The following GPC5 variants were observed in gnomAD, a reference collection of about 807,000 sequenced individuals.
GPC5 encodes glypican-5.
GPC5 carries 47 observed loss-of-function variants against 53.9 expected under a neutral mutation model. The observed-to-expected ratio is 0.87, with a 90% CI of 0.69 to 1.11. The LOEUF is 1.11. Ranked by LOEUF, GPC5 falls within the 50% of genes most tolerant of loss-of-function variation. The pLI, the probability that GPC5 is intolerant of heterozygous loss-of-function variation, is 0.00. For missense variants in GPC5, 748 were observed against 713.1 expected (o/e 1.05, Z -0.56); for synonymous variants, 286 against 263.3 (o/e 1.09, Z -0.84).
At chr13:92,320,041 C>A (rs1425419713) in intron 7 of GPC5, among the ~76,000 whole-genome samples, 1 of 152,058 alleles carries the variant, frequency 6.6e-6, no homozygotes, top group Non-Finnish European at 1.5e-5. Context: ...ATAAACAGTT[C>A]TACTTCAAAG....
At chr13:91,988,691 A>G (rs1412454658) in intron 6 of GPC5, among the ~76,000 whole-genome samples, 1 of 152,200 alleles carries the variant, frequency 6.6e-6, no homozygotes, top group African/African-American at 2.4e-5. Context: ...TAAGATTTGT[A>G]TTATGGGGAA....
intron 7 of GPC5, among the ~76,000 whole-genome samples, chr13:92,325,015 G>A (rs1334214054): frequency 1.3e-5 from 2 of 151,324 alleles, no homozygotes; most frequent in African/African-American, 4.8e-5. Flanking sequence ...TGCAAAATAC[G>A]TAAAATATGT....
intron 2 of GPC5, among the ~76,000 whole-genome samples, chr13:91,450,805 G>C (rs1490453732): frequency 1.3e-5 from 2 of 151,982 alleles, no homozygotes; most frequent in African/African-American, 4.8e-5. Flanking sequence ...TTCTTCCTTA[G>C]TAGATGTCAA....
At chr13:91,672,106 A>T (rs1232104700) in intron 2 of GPC5, among the ~76,000 whole-genome samples, 2 of 152,226 alleles carry the variant, frequency 1.3e-5, no homozygotes, top group Non-Finnish European at 2.9e-5. Context: ...GATGCATTAC[A>T]GACTTAAATG....
chr13:92,115,393 C>T (rs1297356846), intron 6 of GPC5, among the ~76,000 whole-genome samples: 1 of 152,138 alleles, frequency 6.6e-6, no homozygotes, highest in South Asian at 2.1e-4. Flanking sequence ...ATAGTCTCAG[C>T]TACTGGGAAG....
chr13:91,426,582 C>G (rs1394490076), intron 1 of GPC5, among the ~76,000 whole-genome samples: 1 of 152,112 alleles, frequency 6.6e-6, no homozygotes, highest in Non-Finnish European at 1.5e-5. Context: ...GGCCCCAGAG[C>G]CCCTAGCAAA....
chr13:92,372,848 T>A (rs2043662334), intron 7 of GPC5, among the ~76,000 whole-genome samples: 2 of 152,178 alleles, frequency 1.3e-5, no homozygotes, highest in Admixed American at 6.5e-5. Flanking sequence ...CTGGGTGAAC[T>A]CCATGAACAT....
chr13:91,507,849 G>T (rs1182621398), intron 2 of GPC5, among the ~76,000 whole-genome samples: 1 of 152,106 alleles, frequency 6.6e-6, no homozygotes, highest in Non-Finnish European at 1.5e-5. Context: ...ATACTTTTTT[G>T]AAACTTTGCT....
At chr13:91,791,167 C>T (rs2037958076) in intron 5 of GPC5, among the ~76,000 whole-genome samples, 2 of 152,188 alleles carry the variant, frequency 1.3e-5, no homozygotes, top group African/African-American at 4.8e-5. Context: ...CTAATACTTT[C>T]ATTTCTCTCT....
rs1040084146 is a variant in GPC5 at position 92,421,653 on chromosome 13, C to T, written c.1561+276664C>T. On this transcript the variant is annotated intron_variant, in intron 7 of 7. Coordinates refer to ENST00000377067, the MANE Select transcript of GPC5 (RefSeq NM_004466.6). ...GGAGGAGCTTGCAGTGAGCTGAGATCGCGCCACTGCACTCCAGCCTGTGCC... is the reference window on the plus strand; with the variant it reads ...GGAGGAGCTTGCAGTGAGCTGAGATTGCGCCACTGCACTCCAGCCTGTGCC... Among the ~76,000 whole-genome samples, 14 of 140,074 alleles carry T rather than the reference C, an allele frequency of 1.0e-4. No homozygotes were observed. In the East Asian group the frequency reaches 2.6e-3, roughly 26 times the overall value. 91.9% of individuals were successfully genotyped at this position (140,074 alleles called of 152,430 possible). A position where few individuals can be genotyped will look rare whatever the true frequency, so the allele number is the denominator to read the frequency against.
chr13:92,505,206 A>C (rs148479814), intron 7 of GPC5, among the ~76,000 whole-genome samples: 1 of 151,934 alleles, frequency 6.6e-6, no homozygotes, highest in Non-Finnish European at 1.5e-5. Context: ...AAGAGCAAAA[A>C]TATGTTCAAG....
At chr13:92,424,596 A>G (rs1876740719) in intron 7 of GPC5, among the ~76,000 whole-genome samples, 1 of 151,968 alleles carries the variant, frequency 6.6e-6, no homozygotes, top group Admixed American at 6.6e-5. Flanking sequence ...ATACTTCATT[A>G]TTATTAAAAA....
chr13:91,599,136 C>T (rs759693657), intron 2 of GPC5, among the ~76,000 whole-genome samples: 3 of 151,984 alleles, frequency 2.0e-5, no homozygotes, highest in South Asian at 2.1e-4. Context: ...CATCGCTTGA[C>T]TAGACATCTT....
chr13:92,188,076 AC>A (rs2042196999), intron 7 of GPC5, among the ~76,000 whole-genome samples: 1 of 151,956 alleles, frequency 6.6e-6, no homozygotes, highest in African/African-American at 2.4e-5. Flanking sequence ...TCCTAGTCCC[AC>A]CTCAGTCTCA....
chr13:91,738,686 T>C (rs772687037), intron 4 of GPC5, among the ~76,000 whole-genome samples: 1 of 151,400 alleles, frequency 6.6e-6, no homozygotes, highest in Non-Finnish European at 1.5e-5. Flanking sequence ...ATTCTCTTAA[T>C]GGTTATTATA....
intron 7 of GPC5, among the ~76,000 whole-genome samples, chr13:92,192,598 G>A (rs1259091190): frequency 6.6e-6 from 1 of 152,090 alleles, no homozygotes; most frequent in Non-Finnish European, 1.5e-5. Flanking sequence ...GAGAAAAAAA[G>A]TATTGTTTAG....
At chr13:91,407,095 T>G (rs1877380300) in intron 1 of GPC5, among the ~76,000 whole-genome samples, 2 of 152,232 alleles carry the variant, frequency 1.3e-5, no homozygotes, top group Admixed American at 1.3e-4. Flanking sequence ...TTGAATCTTA[T>G]TTTTGTAGAT....
chr13:92,192,354 T>C (rs568203627), intron 7 of GPC5, among the ~76,000 whole-genome samples: 3 of 152,200 alleles, frequency 2.0e-5, no homozygotes, highest in Admixed American at 2.0e-4. Context: ...ATAGGAACTC[T>C]GTACTTTCCA....
chr13:92,753,598 T>A (rs543551227), intron 7 of GPC5, among the ~76,000 whole-genome samples: 1 of 152,020 alleles, frequency 6.6e-6, no homozygotes, highest in Non-Finnish European at 1.5e-5. Context: ...TTTAGAAGAA[T>A]GTATAACTAG....
Sources: allele counts gnomAD v4.1 joint callset (sites outside exome capture counted in the v4.1 genomes callset), GRCh38; gene constraint gnomAD v4.1.1; transcripts MANE v1.5; gene names NCBI Gene and HGNC (gene_info 2026-07-23, HGNC 2026-07-21).